The following HAUS6 variants were observed in gnomAD, a reference collection of about 807,000 sequenced individuals.
The protein encoded by HAUS6 is HAUS augmin like complex subunit 6.
In HAUS6, 80 loss-of-function variants were observed where a neutral mutation model predicts 106.8. The ratio of observed to expected loss-of-function variants is 0.75; its 90% confidence interval spans 0.63 to 0.90. The LOEUF is 0.90. HAUS6 is among the 40% of genes least tolerant of loss of function. The pLI, the probability that HAUS6 is intolerant of heterozygous loss-of-function variation, is 0.00. For synonymous variants in HAUS6, 356 were observed against 379.1 expected (o/e 0.94, Z 0.71); for missense variants, 1,155 against 1,118.1 (o/e 1.03, Z -0.47).
chr9:19,087,308 A>G (rs1654020618), intron 5 of HAUS6, 152 bp from the exon 6 acceptor site: 1 of 610,500 alleles, frequency 1.6e-6, no homozygotes. Flanking sequence ...TTATCACACA[A>G]GTGATTCAAC....
At chr9:19,082,684 T>G (rs1837184077) in intron 8 of HAUS6, among the ~76,000 whole-genome samples, 189 bp downstream of exon 8, 1 of 151,908 alleles carries the variant, frequency 6.6e-6, no homozygotes, top group South Asian at 2.1e-4. Context: ...AGGCGGAGGT[T>G]GCAGTGAGCT....
At chr9:19,087,265 G>A (rs945181513) in intron 5 of HAUS6, 109 bp from the exon 6 acceptor site, 2 of 703,696 alleles carry the variant, frequency 2.8e-6, no homozygotes, top group Non-Finnish European at 5.1e-6. Context: ...TCTGGGTACA[G>A]CCACCAGCAA....
chr9:19,066,288 G>C (rs2131108716), intron 12 of HAUS6, among the ~76,000 whole-genome samples: 1 of 152,204 alleles, frequency 6.6e-6, no homozygotes, highest in East Asian at 1.9e-4. Flanking sequence ...AACTTGGCGG[G>C]GCGGGGGAGG....
Position 19,096,730 on chromosome 9 carries a change from T to C in HAUS6, c.168A>G (p.Ile56Met). Residue 56 changes from isoleucine to methionine, a missense_variant, in exon 2 of 17, where the codon ATA becomes ATG. Coordinates refer to ENST00000380502, the MANE Select transcript of HAUS6 (RefSeq NM_017645.5). ...FDKLNRDAFHIISYFLFQVLD... is the reference protein window; with the variant it reads ...FDKLNRDAFHMISYFLFQVLD... ...GAACTTGAAACAAAAAATAAGAAATTATATGAAAGGCATCACGGTTCAGCT... is the reference window on the plus strand; with the variant it reads ...GAACTTGAAACAAAAAATAAGAAATCATATGAAAGGCATCACGGTTCAGCT... The C allele has an allele frequency of 6.4e-7, 1 of 1,567,184 alleles. No individual in the cohort carries two copies. The highest frequency in any genetic ancestry group is 8.7e-7 in the Non-Finnish European group (1 of 1,152,864).
chr9:19,092,205 C>A (rs550911205), intron 4 of HAUS6, among the ~76,000 whole-genome samples: 24 of 151,852 alleles, frequency 1.6e-4, no homozygotes, highest in Admixed American at 1.4e-3. Context: ...GCATGTAATC[C>A]CAGCACTTTA....
intron 4 of HAUS6, among the ~76,000 whole-genome samples, chr9:19,092,055 C>A (rs1817761286): frequency 6.6e-6 from 1 of 152,124 alleles, no homozygotes; most frequent in African/African-American, 2.4e-5. Flanking sequence ...TAAAACTATA[C>A]TGAGATTCCA....
chr9:19,087,846 C>CAAA lies in HAUS6; in HGVS notation c.585-693_585-691dup, dbSNP rs71333081. 3.2e-3 allele frequency among the ~76,000 whole-genome samples: 253 copies of CAAA among 78,322 alleles called. 1 individual carries two copies. Among genetic ancestry groups the CAAA allele is most frequent in the African/African-American group, 4.2e-3 (89 of 21,164 alleles). The allele number at this position is 78,322 out of a possible 152,430, so 51.4% of individuals were successfully genotyped here. A position where few individuals can be genotyped will look rare whatever the true frequency, so the allele number is the denominator to read the frequency against. On this transcript the variant is annotated intron_variant, in intron 5 of 16. Transcript: ENST00000380502. ...TAAGCAACAGAGCAAGACCTTGTCT[C>CAAA]AAAAAAAAAAAAAAAAAAAAAAAAA...
chr9:19,084,587 A>C (rs1308648561), intron 7 of HAUS6, among the ~76,000 whole-genome samples: 1 of 152,106 alleles, frequency 6.6e-6, no homozygotes, highest in Admixed American at 6.6e-5. Flanking sequence ...CTGCACGATA[A>C]AAATACAATA....
Position 19,058,233 on chromosome 9 carries a change from G to A in HAUS6, c.2534C>T (p.Ser845Phe). The A allele has an allele frequency of 6.2e-7, 1 of 1,613,854 alleles. No homozygotes were observed. Among genetic ancestry groups the A allele is most frequent in the South Asian group, 1.1e-5 (1 of 91,062 alleles). The change falls in exon 16 of 17, where the codon TCC (serine) becomes TTC (phenylalanine). Residue 845 changes from serine to phenylalanine, a missense_variant. Physicochemically the swap from Ser to Phe is radical, Grantham distance 155 (BLOSUM62 -2). Transcript: ENST00000380502. ...SRYEALKKSLSKKREESYLSN... is the reference protein window; with the variant it reads ...SRYEALKKSLFKKREESYLSN... ...GAGGTAAGATTCTTCCCTTTTCTTG[G>A]AAAGAGATTTCTTCAGAGCCTCGTA... is the stretch of plus-strand genomic sequence containing the variant.
chr9:19,063,435 C>A (rs571670305), intron 13 of HAUS6, 79 bp downstream of exon 13: 2 of 732,834 alleles, frequency 2.7e-6, no homozygotes, highest in African/African-American at 1.8e-5. Context: ...TTAAATTTAA[C>A]TGTGGTATCA....
intron 9 of HAUS6, among the ~76,000 whole-genome samples, chr9:19,079,796 G>A (rs1182342662): frequency 4.7e-5 from 7 of 147,394 alleles, no homozygotes; most frequent in Admixed American, 2.7e-4. Flanking sequence ...TCAGCTACTC[G>A]GGAGTCTGAG....
chr9:19,081,135 C>T (rs1051530613), intron 8 of HAUS6, among the ~76,000 whole-genome samples: 4 of 151,126 alleles, frequency 2.6e-5, no homozygotes, highest in South Asian at 4.2e-4. Context: ...CATAAAATGA[C>T]GTAAATAATT....
chr9:19,070,896 A>G (rs1376466869), intron 11 of HAUS6, among the ~76,000 whole-genome samples: 1 of 152,214 alleles, frequency 6.6e-6, no homozygotes, highest in Non-Finnish European at 1.5e-5. Context: ...CAGACTGCAG[A>G]GTGGGAAGAA....
chr9:19,096,290 C>A (rs894115496), intron 2 of HAUS6, among the ~76,000 whole-genome samples: 1 of 152,070 alleles, frequency 6.6e-6, no homozygotes, highest in Non-Finnish European at 1.5e-5. Flanking sequence ...TTATGCCGGG[C>A]GTGGTGGCTC....
chr9:19,065,614 G>A (rs11788588), intron 12 of HAUS6, among the ~76,000 whole-genome samples: 5,288 of 152,274 alleles, frequency 0.035, 115 homozygotes, highest in Non-Finnish European at 0.051. Context: ...GCTGAGGCAA[G>A]CGGATCACCT....
At chr9:19,069,348 C>A (rs1836836280) in intron 12 of HAUS6, among the ~76,000 whole-genome samples, 2 of 152,248 alleles carry the variant, frequency 1.3e-5, no homozygotes, top group South Asian at 4.1e-4. Context: ...AATGTTGGAT[C>A]TTTTCTGAAA....
chr9:19,090,507 G>T lies in HAUS6; in HGVS notation c.437-948C>A, dbSNP rs376270551. Among the ~76,000 whole-genome samples, 6 of 152,142 alleles carry T rather than the reference G, an allele frequency of 3.9e-5. No individual in the cohort carries two copies. The East Asian group carries it at 1.2e-3, about 29-fold the overall frequency. ...AGCCTCCCAAGTAGCTGGGACTACA[G>T]GTGCCCGCCACCACGCCCGGCTAAT... is the stretch of plus-strand genomic sequence containing the variant. On this transcript the variant is annotated intron_variant, in intron 4 of 16. Coordinates refer to ENST00000380502, the MANE Select transcript of HAUS6 (RefSeq NM_017645.5).
At chr9:19,084,354 G>A (rs187129190) in intron 7 of HAUS6, among the ~76,000 whole-genome samples, 42 of 152,254 alleles carry the variant, frequency 2.8e-4, no homozygotes, top group African/African-American at 8.2e-4. Context: ...CTGTTTCCCC[G>A]TGGGGGCAAA....
intron 1 of HAUS6, among the ~76,000 whole-genome samples, chr9:19,100,708 T>A (rs1461379232): frequency 6.6e-6 from 1 of 152,134 alleles, no homozygotes; most frequent in Non-Finnish European, 1.5e-5. Context: ...AACAGATGAA[T>A]GGATAAAGAA....
Sources: allele counts gnomAD v4.1 joint callset (sites outside exome capture counted in the v4.1 genomes callset), GRCh38; gene constraint gnomAD v4.1.1; transcripts MANE v1.5; gene names NCBI Gene and HGNC (gene_info 2026-07-23, HGNC 2026-07-21).